Variants in DLGAP2 observed in about 807,000 individuals in gnomAD.
DLGAP2 encodes the protein disks large-associated protein 2.
A neutral mutation model predicts 100.3 loss-of-function variants in DLGAP2; 26 were observed. The observed-to-expected ratio is 0.26, with a 90% CI of 0.19 to 0.36. The LOEUF (loss-of-function observed/expected upper bound fraction) is 0.36. DLGAP2 is among the 10% of genes least tolerant of loss of function. The pLI, the probability that DLGAP2 is intolerant of heterozygous loss-of-function variation, is 1.00. For synonymous variants in DLGAP2, 886 were observed against 630.1 expected, an observed-to-expected ratio of 1.41 and a Z score of -6.08; for missense variants, 1,858 against 1,453.2, an observed-to-expected ratio of 1.28 and a Z score of -4.53.
chr8:1,267,244 T>TAAATAAAATAAAATA (rs199767284), intron 3 of DLGAP2, among the ~76,000 whole-genome samples: 3 of 138,784 alleles, frequency 2.2e-5, no homozygotes, highest in South Asian at 4.8e-4. Flanking sequence ...AATAAATAAA[T>TAAATAAAATAAAATA]AAATAAAATA....
At chr8:1,433,172 C>T (rs540817053) in intron 3 of DLGAP2, among the ~76,000 whole-genome samples, 37 of 152,324 alleles carry the variant, frequency 2.4e-4, no homozygotes, top group African/African-American at 8.4e-4. Flanking sequence ...CCTCCAGGAA[C>T]GTGCGGGACT....
intron 6 of DLGAP2, among the ~76,000 whole-genome samples, chr8:1,623,996 G>A (rs1040581668): frequency 6.6e-6 from 1 of 152,224 alleles, no homozygotes. Flanking sequence ...ATCCACCTGT[G>A]AGGGCTGTCC....
At chr8:1,193,821 C>T (rs929369801) in intron 2 of DLGAP2, among the ~76,000 whole-genome samples, 6 of 151,660 alleles carry the variant, frequency 4.0e-5, no homozygotes, top group African/African-American at 1.5e-4. Context: ...CTGAGACCCC[C>T]AGACAGCATC....
At chr8:1,691,506 TTTTTTG>T (rs747302948) in intron 12 of DLGAP2, 23 bp from the exon 13 acceptor site, 46 of 1,594,738 alleles carry the variant, frequency 2.9e-5, no homozygotes, top group African/African-American at 1.3e-4. Flanking sequence ...AAGTTGTTGT[TTTTTTG>T]TTTTTGTTTT....
intron 2 of DLGAP2, among the ~76,000 whole-genome samples, chr8:1,096,974 C>A (rs111617991): frequency 5.0e-4 from 72 of 144,752 alleles, no homozygotes; most frequent in African/African-American, 1.8e-3. Flanking sequence ...TAGAGAGGAC[C>A]CCTCCAGCGT....
At chr8:1,171,074 A>T (rs1299771584) in intron 2 of DLGAP2, among the ~76,000 whole-genome samples, 2 of 151,996 alleles carry the variant, frequency 1.3e-5, no homozygotes, top group African/African-American at 4.8e-5. Context: ...AGATTCTGGT[A>T]TGTTGTGTCT....
intron 3 of DLGAP2, among the ~76,000 whole-genome samples, chr8:1,386,133 A>G (rs893154869): frequency 2.6e-5 from 4 of 152,256 alleles, no homozygotes; most frequent in African/African-American, 9.6e-5. Flanking sequence ...AAATAAGAGT[A>G]AAAAGATGAG....
At chr8:1,581,664 A>G (rs937310171) in intron 6 of DLGAP2, among the ~76,000 whole-genome samples, 1 of 149,960 alleles carries the variant, frequency 6.7e-6, no homozygotes, top group South Asian at 2.1e-4. Context: ...ACAGTCAACC[A>G]GAAAGATACA....
intron 2 of DLGAP2, among the ~76,000 whole-genome samples, chr8:1,156,503 CAAG>C (rs1456493561): frequency 3.9e-5 from 6 of 152,208 alleles, no homozygotes; most frequent in Admixed American, 3.9e-4. Flanking sequence ...ACCCGTCACA[CAAG>C]AAGTCAGGCG....
intron 12 of DLGAP2, among the ~76,000 whole-genome samples, chr8:1,685,095 G>A (rs1799080530): frequency 6.6e-6 from 1 of 151,534 alleles, no homozygotes; most frequent in Non-Finnish European, 1.5e-5. Flanking sequence ...GGGGTCAGAT[G>A]TGTGACTTTG....
chr8:1,619,917 A>C (rs1162306650), intron 6 of DLGAP2: 1 of 152,356 alleles, frequency 6.6e-6, no homozygotes, highest in Non-Finnish European at 1.5e-5. Flanking sequence ...TTCACGGCCA[A>C]GCACACTGTT....
At chr8:1,366,523 A>G (rs2129684402) in intron 3 of DLGAP2, among the ~76,000 whole-genome samples, 1 of 152,198 alleles carries the variant, frequency 6.6e-6, no homozygotes, top group Non-Finnish European at 1.5e-5. Flanking sequence ...GGCTTTGGGG[A>G]TGTTCAGCGG....
At chr8:1,207,215 C>G (rs543152664) in intron 2 of DLGAP2, among the ~76,000 whole-genome samples, 3 of 152,164 alleles carry the variant, frequency 2.0e-5, no homozygotes, top group African/African-American at 7.2e-5. Flanking sequence ...AACGTGTAGT[C>G]TTTTATCCTC....
intron 1 of DLGAP2, among the ~76,000 whole-genome samples, chr8:763,529 A>G (rs1821139630): frequency 6.6e-6 from 1 of 152,202 alleles, no homozygotes; most frequent in South Asian, 2.1e-4. Context: ...TTCCTCATAG[A>G]ATTTGCTCGA....
At chr8:901,257 A>C (rs1434611012) in intron 1 of DLGAP2, among the ~76,000 whole-genome samples, 1 of 152,192 alleles carries the variant, frequency 6.6e-6, no homozygotes, top group Non-Finnish European at 1.5e-5. Context: ...GCACCATTGC[A>C]CTCCAGCCTG....
At chr8:1,121,564 T>A (rs1299668473) in intron 2 of DLGAP2, among the ~76,000 whole-genome samples, 1 of 150,528 alleles carries the variant, frequency 6.6e-6, no homozygotes, top group Non-Finnish European at 1.5e-5. Context: ...CCCATCTTCT[T>A]CCCATTAGAA....
At chr8:1,680,265 T>C (rs1585057122) in intron 12 of DLGAP2, among the ~76,000 whole-genome samples, 1 of 152,234 alleles carries the variant, frequency 6.6e-6, no homozygotes, top group Admixed American at 6.5e-5. Flanking sequence ...GCTGAGATCC[T>C]TGGGAATTTG....
chr8:977,630 A>G (rs1800200353), intron 2 of DLGAP2, among the ~76,000 whole-genome samples: 1 of 152,260 alleles, frequency 6.6e-6, no homozygotes, highest in Non-Finnish European at 1.5e-5. Context: ...AGTAAACTCT[A>G]TAAAACTGTC....
rs1388071133 is a variant in DLGAP2, at chr8:1,244,583, G to A, written c.74-14268G>A. 9.6e-5 allele frequency among the ~76,000 whole-genome samples: 13 copies of A among 136,012 alleles called. No homozygotes were observed. In the South Asian group the frequency reaches 1.0e-3, roughly 11 times the overall value. The allele number at this position is 136,012 out of a possible 152,430, so 89.2% of individuals were successfully genotyped here. On this transcript the variant is annotated intron_variant, in intron 2 of 14. Coordinates refer to ENST00000637795, the MANE Select transcript of DLGAP2 (RefSeq NM_001346810.2). ...TCTACAAATGGTATTGGGGCAACTG[G>A]ACACCCACAGGCAGACACCCCAAAT...
Sources: gnomAD v4.1 joint callset for allele counts (sites outside exome capture counted in the v4.1 genomes callset) on GRCh38, gnomAD v4.1.1 for gene constraint, MANE v1.5 for transcripts, NCBI Gene and HGNC (gene_info 2026-07-23, HGNC 2026-07-21) for gene names.